Variants in MALRD1 observed in about 807,000 individuals in gnomAD.
MALRD1 encodes MAM and LDL receptor class A domain containing 1.
In MALRD1, 247 loss-of-function variants were observed where a neutral mutation model predicts 242.1. That is an observed-to-expected ratio of 1.02 (90% CI 0.92 to 1.13). The LOEUF is 1.13. Ranked by LOEUF, MALRD1 falls within the 50% of genes most tolerant of loss-of-function variation. MALRD1 has a pLI of 0.00. For missense variants in MALRD1, 2,989 were observed against 2,533.1 expected (o/e 1.18, Z -3.86); for synonymous variants, 995 against 866.6 (o/e 1.15, Z -2.60).
At chr10:19,173,230 A>G (rs1039726019) in intron 13 of MALRD1, among the ~76,000 whole-genome samples, 2 of 152,102 alleles carry the variant, frequency 1.3e-5, no homozygotes, top group Admixed American at 1.3e-4. Context: ...ATATTATACT[A>G]TAATATTTTT....
chr10:19,666,065 C>T lies in MALRD1; in HGVS notation c.6138-26217C>T, dbSNP rs539505439. Among the ~76,000 whole-genome samples the T allele has an allele frequency of 4.6e-5, 7 of 152,218 alleles. No homozygotes were observed. The East Asian group carries it at 1.2e-3, about 25-fold the overall frequency. On this transcript the variant is annotated intron_variant, in intron 36 of 39. Coordinates refer to ENST00000454679, the MANE Select transcript of MALRD1 (RefSeq NM_001142308.3). ...CCCTCCTTGCTTCCCCCAAAACTTTCGTCCTCCCTCCTCTTTCAAAGCCAC... is the reference window on the plus strand; with the variant it reads ...CCCTCCTTGCTTCCCCCAAAACTTTTGTCCTCCCTCCTCTTTCAAAGCCAC...
At chr10:19,075,049 CT>C (rs1304615824) in intron 2 of MALRD1, among the ~76,000 whole-genome samples, 1 of 151,944 alleles carries the variant, frequency 6.6e-6, no homozygotes, top group Non-Finnish European at 1.5e-5. Context: ...TGCATATGAA[CT>C]CTGGGAACTA....
intron 11 of MALRD1, among the ~76,000 whole-genome samples, chr10:19,152,247 G>T (rs934673439): frequency 1.2e-4 from 18 of 152,168 alleles, no homozygotes; most frequent in Non-Finnish European, 2.4e-4. Flanking sequence ...GTTTAGAGCA[G>T]GCTGATAGGA....
chr10:19,408,112 A>C (rs987955657), intron 28 of MALRD1, among the ~76,000 whole-genome samples: 1 of 152,118 alleles, frequency 6.6e-6, no homozygotes, highest in African/African-American at 2.4e-5. Context: ...CCCCAAGTAA[A>C]GGATTTATAT....
At chr10:19,133,079 C>T (rs936214649) in intron 8 of MALRD1, among the ~76,000 whole-genome samples, 5 of 152,102 alleles carry the variant, frequency 3.3e-5, no homozygotes, top group Non-Finnish European at 7.4e-5. Flanking sequence ...GCTGGGATTA[C>T]AGGCACCCAC....
intron 5 of MALRD1, among the ~76,000 whole-genome samples, chr10:19,120,070 A>T (rs1389765804): frequency 6.6e-6 from 1 of 152,166 alleles, no homozygotes; most frequent in African/African-American, 2.4e-5. Flanking sequence ...GTATAATTTT[A>T]TGAGTCACCA....
chr10:19,165,265 ATTTTG>A (rs1450209746), intron 12 of MALRD1, among the ~76,000 whole-genome samples: 7 of 130,274 alleles, frequency 5.4e-5, no homozygotes, highest in South Asian at 2.5e-4. Flanking sequence ...ATATATATAT[ATTTTG>A]TTTTGTTTTG....
At chr10:19,601,217 T>G (rs1417530760) in intron 34 of MALRD1, among the ~76,000 whole-genome samples, 1 of 152,054 alleles carries the variant, frequency 6.6e-6, no homozygotes, top group African/African-American at 2.4e-5. Flanking sequence ...ATATAATGTC[T>G]GAAAGAGAAT....
At position 19,489,407 on chromosome 10, in the gene MALRD1, T is replaced by C. The variant is rs538457832; in HGVS notation, c.5030-2110T>C. 2.3e-5 allele frequency: 13 copies of C among 558,320 alleles called. 1 individual carries two copies. Among genetic ancestry groups the C allele is most frequent in the South Asian group, 1.8e-4 (13 of 72,218 alleles). The allele number at this position is 558,320 out of a possible 1,614,324, so 34.6% of individuals were successfully genotyped here. ...GAAAGTAGCCAAGTCTGATTAATAC[T>C]ATGTACCATGTCTTATCAGTGGTCC... On this transcript the variant is annotated intron_variant, in intron 29 of 39. Transcript: ENST00000454679.
intron 13 of MALRD1, among the ~76,000 whole-genome samples, chr10:19,174,567 T>C (rs1361474278): frequency 1.3e-5 from 2 of 152,088 alleles, no homozygotes; most frequent in Non-Finnish European, 2.9e-5. Flanking sequence ...TCTCTTTTTT[T>C]CTTCTTGGAA....
chr10:19,450,276 A>T lies in MALRD1; in HGVS notation c.4846-31A>T, dbSNP rs987617154. The T allele has an allele frequency of 2.2e-5, 33 of 1,519,068 alleles. No homozygotes were observed. The East Asian group carries it at 7.6e-4, about 35-fold the overall frequency. 94.1% of individuals were successfully genotyped at this position (1,519,068 alleles called of 1,614,324 possible). ...GCATCATCTTCTTTTGTGTTTGATTATTTCCCTCATACAAACTTCTTTACT... is the reference window on the plus strand; with the variant it reads ...GCATCATCTTCTTTTGTGTTTGATTTTTTCCCTCATACAAACTTCTTTACT... On this transcript the variant is annotated intron_variant, in intron 28 of 39. Coordinates refer to ENST00000454679, the MANE Select transcript of MALRD1 (RefSeq NM_001142308.3).
chr10:19,686,517 G>T (rs11011078), intron 36 of MALRD1, among the ~76,000 whole-genome samples: 5,345 of 152,236 alleles, frequency 0.035, 150 homozygotes, highest in Middle Eastern at 0.085. Context: ...CAACTCCTGA[G>T]ATCTTATTAG....
chr10:19,249,467 C>G (rs905537872), intron 18 of MALRD1, among the ~76,000 whole-genome samples: 5 of 151,624 alleles, frequency 3.3e-5, no homozygotes, highest in Admixed American at 6.6e-5. Context: ...AGCATGGCAC[C>G]AAGTGTAACA....
intron 33 of MALRD1, among the ~76,000 whole-genome samples, chr10:19,590,705 G>A (rs1356167911): frequency 1.3e-5 from 2 of 152,030 alleles, no homozygotes; most frequent in African/African-American, 4.8e-5. Context: ...TATACATTGT[G>A]TGTGTGTGTC....
intron 21 of MALRD1, among the ~76,000 whole-genome samples, chr10:19,296,318 T>C (rs938678249): frequency 4.6e-5 from 7 of 152,124 alleles, no homozygotes; most frequent in Admixed American, 6.6e-5. Context: ...CTTTACATTC[T>C]AGTGTTTTTA....
intron 21 of MALRD1, among the ~76,000 whole-genome samples, chr10:19,304,514 A>G (rs1187247940): frequency 6.6e-6 from 1 of 151,742 alleles, no homozygotes; most frequent in Non-Finnish European, 1.5e-5. Context: ...AGTTGGTATT[A>G]TTGACATCAA....
chr10:19,673,505 C>T (rs897316716), intron 36 of MALRD1, among the ~76,000 whole-genome samples: 1 of 152,138 alleles, frequency 6.6e-6, no homozygotes. Flanking sequence ...ATTCAGATTG[C>T]CAGTAATTTA....
rs148182540 is a variant in MALRD1, at chr10:19,476,626, A to T, written c.5030-14891A>T. ...TGGGGTGGCTAAGCAATGACTATGG[A>T]TTTGAGGTATTTGTATGTGAATAGG... On this transcript the variant is annotated intron_variant, in intron 29 of 39. Coordinates refer to ENST00000454679, the MANE Select transcript of MALRD1 (RefSeq NM_001142308.3). Among the ~76,000 whole-genome samples the T allele has an allele frequency of 1.1e-3, 174 of 152,218 alleles. 1 individual carries two copies. Among genetic ancestry groups the T allele is most frequent in the African/African-American group, 4.0e-3 (168 of 41,532 alleles).
chr10:19,205,158 A>G lies in MALRD1; in HGVS notation c.2471A>G (p.Glu824Gly). 1 of 1,550,900 alleles carries G rather than the reference A, an allele frequency of 6.4e-7. No individual in the cohort carries two copies. Among genetic ancestry groups the G allele is most frequent in the East Asian group, 2.4e-5 (1 of 40,892 alleles). The change falls in exon 17 of 40, where the codon GAA (glutamate) becomes GGA (glycine). Residue 824 changes from glutamate (E) to glycine (G), a missense_variant. Transcript: ENST00000454679. ...CTLPLPAESC[E>G]GLDHFWCRHT... Reference sequence around the variant, plus strand: ...CTCCCTCTTCCTGCTGAGAGCTGTGAAGGGCTGGATCATTTCTGGTGTCGC... The same window carrying G: ...CTCCCTCTTCCTGCTGAGAGCTGTGGAGGGCTGGATCATTTCTGGTGTCGC...
Sources: allele counts gnomAD v4.1 joint callset (sites outside exome capture counted in the v4.1 genomes callset), GRCh38; gene constraint gnomAD v4.1.1; transcripts MANE v1.5; gene names NCBI Gene and HGNC (gene_info 2026-07-23, HGNC 2026-07-21).